The following VPS41 variants were observed in gnomAD, a reference collection of about 807,000 sequenced individuals.
The protein encoded by VPS41 is vacuolar protein sorting-associated protein 41 homolog.
In VPS41, 85 loss-of-function variants were observed where a neutral mutation model predicts 130.9. That is an observed-to-expected ratio of 0.65 (90% CI 0.55 to 0.78). The LOEUF (loss-of-function observed/expected upper bound fraction) is 0.78. VPS41 is among the 30% of genes least tolerant of loss of function. The probability of loss-of-function intolerance (pLI) is 0.00; values close to 1 mark genes in which losing one functional copy is unlikely to be tolerated. For missense variants in VPS41, 874 were observed against 1,018.7 expected (o/e 0.86, Z 1.93); for synonymous variants, 335 against 332.9 (o/e 1.01, Z -0.07).
chr7:38,848,046 C>T (rs1785765651), intron 4 of VPS41, among the ~76,000 whole-genome samples: 1 of 152,156 alleles, frequency 6.6e-6, no homozygotes. Context: ...ACTCTACTTC[C>T]ACCACAGAAA....
At chr7:38,868,972 G>A (rs969637922) in intron 3 of VPS41, among the ~76,000 whole-genome samples, 174 bp downstream of exon 3, 13 of 152,114 alleles carry the variant, frequency 8.5e-5, no homozygotes, top group African/African-American at 1.9e-4. Flanking sequence ...GTGAATGGGC[G>A]CGTACACACA....
intron 23 of VPS41, among the ~76,000 whole-genome samples, chr7:38,744,478 A>G (rs1795947082): frequency 6.6e-6 from 1 of 152,172 alleles, no homozygotes; most frequent in Non-Finnish European, 1.5e-5. Context: ...TTATTTCCAC[A>G]GTTTATGTCT....
chr7:38,827,470 A>G (rs1320172725), intron 5 of VPS41, among the ~76,000 whole-genome samples: 6 of 152,236 alleles, frequency 3.9e-5, no homozygotes, highest in Admixed American at 3.9e-4. Flanking sequence ...AAGTTCAGGT[A>G]CAATAATGGG....
chr7:38,778,985 T>C (rs1448523592), intron 10 of VPS41, among the ~76,000 whole-genome samples: 1 of 152,224 alleles, frequency 6.6e-6, no homozygotes, highest in African/African-American at 2.4e-5. Flanking sequence ...ATAGCTTGTA[T>C]GAGTAAGACA....
chr7:38,781,629 C>G (rs932368486), intron 10 of VPS41, among the ~76,000 whole-genome samples: 1 of 152,120 alleles, frequency 6.6e-6, no homozygotes, highest in African/African-American at 2.4e-5. Flanking sequence ...TATCACTTAA[C>G]CTTAATCTTT....
chr7:38,885,084 A>C (rs867815765), intron 2 of VPS41, among the ~76,000 whole-genome samples: 10 of 152,104 alleles, frequency 6.6e-5, no homozygotes, highest in Middle Eastern at 3.4e-3. Flanking sequence ...TTATTTATTT[A>C]TTTTTTTGAG....
In VPS41 at chr7:38,798,263, C is replaced by T. The variant is rs190995307; in HGVS notation, c.451-1399G>A. Among the ~76,000 whole-genome samples the T allele has an allele frequency of 2.4e-4, 37 of 152,192 alleles. 1 individual carries two copies. Among genetic ancestry groups the T allele is most frequent in the Admixed American group, 1.9e-3 (29 of 15,294 alleles). ...TCCTGCTACAGAGAAGATTATGCCCCACTAAAGACAGGCAGCTAAAAACAA... is the reference window on the plus strand; with the variant it reads ...TCCTGCTACAGAGAAGATTATGCCCTACTAAAGACAGGCAGCTAAAAACAA... On this transcript the variant is annotated intron_variant, in intron 7 of 28. Transcript: ENST00000310301.
chr7:38,793,387 C>T (rs1784568545), intron 9 of VPS41, among the ~76,000 whole-genome samples: 2 of 152,088 alleles, frequency 1.3e-5, no homozygotes, highest in East Asian at 1.9e-4. Context: ...GAAGAAAGAC[C>T]ACGTCCTTAT....
At chr7:38,745,670 T>A in intron 22 of VPS41, 57 bp from the exon 23 acceptor site, 1 of 1,306,498 alleles carries the variant, frequency 7.7e-7, no homozygotes, top group Non-Finnish European at 1.1e-6. Context: ...GAACAAACAG[T>A]AATAAAGTCA....
intron 2 of VPS41, among the ~76,000 whole-genome samples, chr7:38,871,912 C>T (rs1786373409): frequency 6.6e-6 from 1 of 152,166 alleles, no homozygotes; most frequent in Admixed American, 6.5e-5. Context: ...CTTCTCGCCT[C>T]AGCCTTCCAA....
Position 38,869,312 on chromosome 7 carries a change from C to G in VPS41, c.61-59G>C. ...AGAGATTTATTTGTTTTGAAAACCT[C>G]AAAACACACTTCTTACGAGAGAACC... On this transcript the variant is annotated intron_variant, in intron 2 of 28. Coordinates refer to ENST00000310301, the MANE Select transcript of VPS41 (RefSeq NM_014396.4). The G allele has an allele frequency of 2.5e-6, 3 of 1,181,920 alleles. No individual in the cohort carries two copies. In the South Asian group the frequency reaches 4.0e-5, roughly 16 times the overall value. The allele number at this position is 1,181,920 out of a possible 1,614,324, so 73.2% of individuals were successfully genotyped here.
chr7:38,874,106 G>T (rs76891413), intron 2 of VPS41, among the ~76,000 whole-genome samples: 1 of 152,264 alleles, frequency 6.6e-6, no homozygotes, highest in Non-Finnish European at 1.5e-5. Flanking sequence ...TAATTGTGCA[G>T]AATGGGTTCT....
At chr7:38,799,368 C>A (rs191491987) in intron 7 of VPS41, among the ~76,000 whole-genome samples, 42 of 152,152 alleles carry the variant, frequency 2.8e-4, no homozygotes, top group Middle Eastern at 3.4e-3. Flanking sequence ...CATTCTCAAT[C>A]TTTGGGTAAA....
At chr7:38,813,763 A>C (rs1784988335) in intron 7 of VPS41, among the ~76,000 whole-genome samples, 1 of 152,232 alleles carries the variant, frequency 6.6e-6, no homozygotes, top group East Asian at 1.9e-4. Context: ...TTTTTAATTC[A>C]ATTTTTCACC....
chr7:38,788,528 C>T (rs950118186), intron 10 of VPS41, among the ~76,000 whole-genome samples: 16 of 152,140 alleles, frequency 1.1e-4, no homozygotes, highest in Admixed American at 5.9e-4. Flanking sequence ...ATTTTTATAC[C>T]TCTCTGGCAA....
In VPS41 at chr7:38,898,105, T is replaced by C. The variant is rs1317563552; in HGVS notation, c.46A>G (p.Thr16Ala). ...EQETGSLEES[T>A]DESEEEESEE... ...CACCACCTTACCTCAGACTCATCTG[T>C]AGATTCTTCAAGGGACCCAGTTTCC... is the stretch of plus-strand genomic sequence containing the variant. The change falls in exon 2 of 29, where the codon ACA becomes GCA. Residue 16 changes from threonine to alanine, a missense_variant. Physicochemically the swap from Thr to Ala is moderately conservative, Grantham distance 58. Transcript: ENST00000310301. 6.2e-7 allele frequency: 1 copy of C among 1,613,790 alleles called. No individual in the cohort carries two copies.
rs1207559216 is a variant in VPS41 at position 38,776,793 on chromosome 7, T to A, written c.785-17A>T. 6.7e-7 allele frequency: 1 copy of A among 1,484,214 alleles called. No homozygotes were observed. Among genetic ancestry groups the A allele is most frequent in the East Asian group, 2.3e-5 (1 of 44,068 alleles). The allele number at this position is 1,484,214 out of a possible 1,614,324, so 91.9% of individuals were successfully genotyped here. A position where few individuals can be genotyped will look rare whatever the true frequency, so the allele number is the denominator to read the frequency against. On this transcript the variant is annotated splice_polypyrimidine_tract_variant and intron_variant, in intron 10 of 28. Transcript: ENST00000310301. ...ACTGAGACACTGCAAACAAAAGGGATACAGGAGTCATCATCAACAGGGGCA... is the reference window on the plus strand; with the variant it reads ...ACTGAGACACTGCAAACAAAAGGGAAACAGGAGTCATCATCAACAGGGGCA...
chr7:38,773,244 A>T (rs1228085518), intron 12 of VPS41, among the ~76,000 whole-genome samples: 1 of 152,180 alleles, frequency 6.6e-6, no homozygotes, highest in East Asian at 1.9e-4. Context: ...TGCAGAATTC[A>T]ATTATAAAAC....
intron 25 of VPS41, 100 bp downstream of exon 25, chr7:38,741,885 C>G: frequency 7.3e-7 from 1 of 1,378,484 alleles, no homozygotes; most frequent in Non-Finnish European, 9.9e-7. Context: ...ACCATAAAAT[C>G]GAAAGTTTTT....
Sources: gnomAD v4.1 joint callset for allele counts (sites outside exome capture counted in the v4.1 genomes callset) on GRCh38, gnomAD v4.1.1 for gene constraint, MANE v1.5 for transcripts, NCBI Gene and HGNC (gene_info 2026-07-23, HGNC 2026-07-21) for gene names.